The following CLDN10 variants were observed in gnomAD, a reference collection of about 807,000 sequenced individuals.
CLDN10 encodes claudin-10.
Under a neutral mutation model 22.9 loss-of-function variants are expected in CLDN10, and 15 were observed. The observed-to-expected ratio is 0.65, with a 90% confidence interval of 0.44 to 1.01. The LOEUF is 1.01. CLDN10 is among the 50% of genes least tolerant of loss of function. The pLI, the probability that CLDN10 is intolerant of heterozygous loss-of-function variation, is 0.00. For synonymous variants in CLDN10, 114 were observed against 111.4 expected (o/e 1.02, Z -0.15); for missense variants, 247 against 287.8 (o/e 0.86, Z 1.03).
intron 1 of CLDN10, among the ~76,000 whole-genome samples, chr13:95,500,244 A>C (rs1200795205): frequency 6.6e-6 from 1 of 152,204 alleles, no homozygotes; most frequent in African/African-American, 2.4e-5. Context: ...ATAAATAAAC[A>C]AGGCTGAGAG....
At chr13:95,551,865 G>A (rs2043570184), upstream of CLDN10, among the ~76,000 whole-genome samples, 1 of 152,068 alleles carries the variant, frequency 6.6e-6, no homozygotes, top group Non-Finnish European at 1.5e-5. Flanking sequence ...TTTCAATTAG[G>A]CGTGAGAGAT....
intron 1 of CLDN10, among the ~76,000 whole-genome samples, chr13:95,449,561 C>CT (rs573178189): frequency 9.5e-4 from 144 of 151,446 alleles, no homozygotes; most frequent in African/African-American, 3.3e-3. Context: ...ACTCAGTTTT[C>CT]TTTTTTTGTT....
At chr13:95,481,944 AGGAG>A (rs917290418) in intron 1 of CLDN10, among the ~76,000 whole-genome samples, 9 of 152,164 alleles carry the variant, frequency 5.9e-5, no homozygotes, top group African/African-American at 2.2e-4. Flanking sequence ...ACTTGAACCC[AGGAG>A]GCGGAGGTTG....
intron 1 of CLDN10, among the ~76,000 whole-genome samples, chr13:95,486,100 T>C (rs1356919696): frequency 2.6e-5 from 4 of 152,172 alleles, no homozygotes; most frequent in Non-Finnish European, 5.9e-5. Context: ...CTCCATCCAT[T>C]CTGAGTAGCT....
rs2043584768 is a variant in CLDN10, at chr13:95,552,913, G to A, written c.160G>A (p.Val54Ile). Residue 54 changes from valine (V) to isoleucine (I), a missense_variant, in exon 1 of 5, where the codon GTT becomes ATT. By Grantham distance (29) the Val-to-Ile change is conservative. Transcript: ENST00000299339. Reference sequence around the variant, plus strand: ...TTGGGCCAACCTGTGGAAGGCGTGCGTTACCGACTCCACGGGCGTCTCCAA... The same window carrying A: ...TTGGGCCAACCTGTGGAAGGCGTGCATTACCGACTCCACGGGCGTCTCCAA... The part of the protein sequence containing the change: ...TYWANLWKAC[V>I]TDSTGVSNCK... 6.2e-7 allele frequency: 1 copy of A among 1,614,114 alleles called. No homozygotes were observed. Among genetic ancestry groups the A allele is most frequent in the South Asian group, 1.1e-5 (1 of 91,078 alleles).
At chr13:95,486,465 G>T (rs1487928162) in intron 1 of CLDN10, among the ~76,000 whole-genome samples, 1 of 147,910 alleles carries the variant, frequency 6.8e-6, no homozygotes. Context: ...GGAGGTTACA[G>T]TGAGCCAAGA....
intron 3 of CLDN10, among the ~76,000 whole-genome samples, chr13:95,564,719 C>A (rs1049891583): frequency 7.9e-5 from 12 of 152,196 alleles, no homozygotes; most frequent in Admixed American, 3.3e-4. Context: ...CCTATACATT[C>A]CTGCTATATG....
At chr13:95,436,003 T>G (rs1371335799) in intron 1 of CLDN10, among the ~76,000 whole-genome samples, 1 of 152,004 alleles carries the variant, frequency 6.6e-6, no homozygotes. Flanking sequence ...TGTTTCATTC[T>G]GTATTTCTTA....
intron 1 of CLDN10, among the ~76,000 whole-genome samples, chr13:95,497,827 G>T (rs970123009): frequency 6.6e-6 from 1 of 152,078 alleles, no homozygotes; most frequent in Non-Finnish European, 1.5e-5. Flanking sequence ...TACTAGAAAG[G>T]GGAATTCTGG....
intron 1 of CLDN10, among the ~76,000 whole-genome samples, chr13:95,493,016 A>G (rs1405199067): frequency 1.3e-5 from 2 of 152,120 alleles, no homozygotes; most frequent in African/African-American, 4.8e-5. Context: ...CACTCACAGT[A>G]TTTGGGGTGT....
At chr13:95,550,302 T>G (rs182172791), upstream of CLDN10, among the ~76,000 whole-genome samples, 16 of 152,348 alleles carry the variant, frequency 1.1e-4, no homozygotes, top group Admixed American at 9.8e-4. Context: ...TCAAAGTTCT[T>G]TCTTTAAAAC....
At chr13:95,478,054 C>T (rs1292026861) in intron 1 of CLDN10, among the ~76,000 whole-genome samples, 1 of 152,172 alleles carries the variant, frequency 6.6e-6, no homozygotes, top group Non-Finnish European at 1.5e-5. Context: ...GCCTATAATT[C>T]CAGCACTTTG....
intron 1 of CLDN10, among the ~76,000 whole-genome samples, chr13:95,529,385 T>C (rs1267351331): frequency 5.2e-5 from 2 of 38,404 alleles, no homozygotes; most frequent in Non-Finnish European, 1.2e-4. Flanking sequence ...AATAAACACA[T>C]TTTTTTTCAA....
intron 3 of CLDN10, among the ~76,000 whole-genome samples, chr13:95,569,378 G>A (rs2043825473): frequency 6.6e-6 from 1 of 152,116 alleles, no homozygotes; most frequent in Admixed American, 6.5e-5. Flanking sequence ...GAGGTCAGGA[G>A]TTCAAGGCCA....
At chr13:95,488,327 C>G (rs1379821640) in intron 1 of CLDN10, among the ~76,000 whole-genome samples, 1 of 151,376 alleles carries the variant, frequency 6.6e-6, no homozygotes, top group African/African-American at 2.4e-5. Context: ...CAGGTGTGAA[C>G]CACCATGCCT....
chr13:95,571,957 AAAAGACCTGGCTCC>A (rs2043867553), intron 3 of CLDN10, among the ~76,000 whole-genome samples: 1 of 152,216 alleles, frequency 6.6e-6, no homozygotes, highest in African/African-American at 2.4e-5. Flanking sequence ...GAAGGATGAC[AAAAGACCTGGCTCC>A]TAGCTCTGTG....
In CLDN10 at chr13:95,579,281, T is replaced by TTTAAG. The variant is rs2138704565; in HGVS notation, c.*1270_*1274dup. On this transcript the variant is annotated 3_prime_UTR_variant, in exon 5 of 5. Coordinates refer to ENST00000299339, the MANE Select transcript of CLDN10 (RefSeq NM_006984.5). ...GAGAGACTTGTCATTTCTAAAGACATTTAAGTTGCTCCAGGGATTTCTGAA... is the reference window on the plus strand; with the variant it reads ...GAGAGACTTGTCATTTCTAAAGACATTTAAGTTAAGTTGCTCCAGGGATTTCTGAA... 6.6e-6 allele frequency: 1 copy of TTTAAG among 152,296 alleles called. No individual in the cohort carries two copies. Among genetic ancestry groups the TTTAAG allele is most frequent in the South Asian group, 2.1e-4 (1 of 4,826 alleles). 9.4% of individuals were successfully genotyped at this position (152,296 alleles called of 1,614,324 possible).
At chr13:95,518,756 C>CA (rs11288575) in intron 1 of CLDN10, among the ~76,000 whole-genome samples, 164 of 151,170 alleles carry the variant, frequency 1.1e-3, no homozygotes, top group African/African-American at 3.2e-3. Context: ...GAGACTGTCT[C>CA]AAAAAAAAAA....
chr13:95,505,022 G>A (rs896325255), intron 1 of CLDN10, among the ~76,000 whole-genome samples: 3 of 152,308 alleles, frequency 2.0e-5, no homozygotes, highest in East Asian at 3.9e-4. Flanking sequence ...ATTGAAGGTG[G>A]CAGGGAATTA....
Sources: allele counts gnomAD v4.1 joint callset (sites outside exome capture counted in the v4.1 genomes callset), GRCh38; gene constraint gnomAD v4.1.1; transcripts MANE v1.5; gene names NCBI Gene and HGNC (gene_info 2026-07-23, HGNC 2026-07-21).